Variants in ZNF287 observed in about 807,000 individuals in gnomAD.
The protein encoded by ZNF287 is zinc finger protein with KRAB and SCAN domains 13.
ZNF287 carries 31 observed loss-of-function variants against 73.7 expected under a neutral mutation model. That is an observed-to-expected ratio of 0.42 (90% confidence interval 0.32 to 0.57). ZNF287 has a LOEUF of 0.57. Among genes scored for constraint, ZNF287 ranks in the 20% least tolerant of loss-of-function variants. The probability of loss-of-function intolerance (pLI) is 0.13; values close to 1 mark genes in which losing one functional copy is unlikely to be tolerated. For missense variants in ZNF287, 641 were observed against 909.3 expected, an observed-to-expected ratio of 0.70 and a Z score of 3.79; for synonymous variants, 301 against 307.2, an observed-to-expected ratio of 0.98 and a Z score of 0.21.
chr17:16,558,779 C>T (rs776491266), intron 5 of ZNF287, among the ~76,000 whole-genome samples: 4 of 152,074 alleles, frequency 2.6e-5, no homozygotes, highest in South Asian at 2.1e-4. Flanking sequence ...GAAATTGAGA[C>T]CAGTCTGGGA....
rs1404013246 is a variant in ZNF287, at chr17:16,567,875, A to G, written c.-144T>C. ...GGCAGAACAGAATCAAGGTAGAGTT[A>G]GCAGCCTTAGTGACAAATTCTGAGC... On this transcript the variant is annotated 5_prime_UTR_variant, in exon 2 of 6. Transcript: ENST00000395825. 2 of 1,441,478 alleles carry G rather than the reference A, an allele frequency of 1.4e-6. No individual in the cohort carries two copies. Among genetic ancestry groups the G allele is most frequent in the Non-Finnish European group, 1.8e-6 (2 of 1,102,604 alleles). 89.3% of individuals were successfully genotyped at this position (1,441,478 alleles called of 1,614,324 possible).
At chr17:16,561,983 T>C (rs7217433) in intron 5 of ZNF287, among the ~76,000 whole-genome samples, 6,572 of 152,206 alleles carry the variant, frequency 0.043, 185 homozygotes, top group Non-Finnish European at 0.044. Flanking sequence ...TCTTAGGAGG[T>C]ATTTAGGGGT....
At chr17:16,557,653 A>C (rs1414327733) in intron 5 of ZNF287, among the ~76,000 whole-genome samples, 2 of 151,916 alleles carry the variant, frequency 1.3e-5, no homozygotes, top group Non-Finnish European at 2.9e-5. Flanking sequence ...TAATAGTTGA[A>C]GTTGACTGCC....
intron 5 of ZNF287, chr17:16,558,920 T>C (rs1907243142): frequency 2.0e-5 from 3 of 152,120 alleles, no homozygotes; most frequent in South Asian, 4.1e-4. Flanking sequence ...GAGGTTGCAG[T>C]GAGCCATGAT....
chr17:16,548,614 A>T lies in ZNF287; in HGVS notation c.*3242T>A, dbSNP rs1051845198. Among the ~76,000 whole-genome samples the T allele has an allele frequency of 2.2e-4, 34 of 152,114 alleles. No homozygotes were observed. Among genetic ancestry groups the T allele is most frequent in the African/African-American group, 7.2e-4 (30 of 41,508 alleles). On this transcript the variant is annotated 3_prime_UTR_variant, in exon 6 of 6. Transcript: ENST00000395825. ...ATATCGAGACAAGCCTGGCTAACACAGTGAAACCCCATCTCTACTAAAAAA... is the reference window on the plus strand; with the variant it reads ...ATATCGAGACAAGCCTGGCTAACACTGTGAAACCCCATCTCTACTAAAAAA...
chr17:16,560,953 A>G (rs1907414127), intron 5 of ZNF287, among the ~76,000 whole-genome samples: 1 of 151,572 alleles, frequency 6.6e-6, no homozygotes, highest in African/African-American at 2.4e-5. Context: ...TAGTGAGCCA[A>G]GGTCCCCCCA....
In ZNF287 at chr17:16,557,487, T is replaced by C. The variant is rs544304880; in HGVS notation, c.716-4061A>G. 2.0e-5 allele frequency among the ~76,000 whole-genome samples: 3 copies of C among 152,272 alleles called. No individual in the cohort carries two copies. In the South Asian group the frequency reaches 6.2e-4, roughly 32 times the overall value. ...AAACCAATACTACTATTCTGTTTGT[T>C]AATTACCAAAGTTTCCATTTCCTGA... On this transcript the variant is annotated intron_variant, in intron 5 of 5. Transcript: ENST00000395825.
At chr17:16,566,427 T>C (rs994379680) in intron 3 of ZNF287, 98 bp downstream of exon 3, 2 of 960,408 alleles carry the variant, frequency 2.1e-6, no homozygotes, top group African/African-American at 3.3e-5. Context: ...AAGTCCTTGA[T>C]AGAGCTTCTG....
At position 16,566,571 on chromosome 17, in the gene ZNF287, C is replaced by T; in HGVS notation, c.455G>A (p.Gly152Glu). 1.2e-6 allele frequency: 2 copies of T among 1,613,256 alleles called. No individual in the cohort carries two copies. The highest frequency in any genetic ancestry group is 1.7e-6 in the Non-Finnish European group (2 of 1,179,658). ...SQDTPEEDPR[G>E]KHAFQTGWLN... is the part of the protein sequence containing the mutation. ...CCATCCTGTCTGGAAAGCATGTTTT[C>T]CTCTGGGGTCTTCCTCTGGGGTATC... The change falls in exon 3 of 6, where the codon GGA (glycine) becomes GAA (glutamate). Residue 152 changes from glycine (G) to glutamate (E), a missense_variant. By Grantham distance (98) the Gly-to-Glu change is moderately conservative. Around this residue, in one of 2 missense-constraint regions of ZNF287, gnomAD observed 357 missense variants for 442.4 expected, o/e 0.81. Coordinates refer to ENST00000395825, the MANE Select transcript of ZNF287 (RefSeq NM_020653.4).
intron 1 of ZNF287, chr17:16,568,566 T>G (rs1907888684): frequency 6.6e-6 from 1 of 152,292 alleles, no homozygotes. Flanking sequence ...GAAGGAAACC[T>G]TAGAACCGGC....
intron 5 of ZNF287, among the ~76,000 whole-genome samples, chr17:16,561,194 A>G (rs1272564453): frequency 4.6e-5 from 7 of 151,818 alleles, no homozygotes; most frequent in Non-Finnish European, 8.8e-5. Flanking sequence ...CATGCCTCTA[A>G]TCCCAGCTAC....
intron 5 of ZNF287, among the ~76,000 whole-genome samples, chr17:16,561,683 G>A (rs554458786): frequency 2.6e-5 from 4 of 152,052 alleles, no homozygotes; most frequent in Non-Finnish European, 4.4e-5. Context: ...TAAAAAAACT[G>A]GCTTGGAACC....
Position 16,567,685 on chromosome 17 carries a change from A to T in ZNF287, c.47T>A (p.Ile16Asn). The T allele has an allele frequency of 4.3e-6, 7 of 1,613,982 alleles. No homozygotes were observed. In the South Asian group the frequency reaches 7.7e-5, roughly 18 times the overall value. ...KRMNSSSRSQ[I>N]LLRWKSDKAQ... The stretch of plus-strand genomic sequence containing the variant: ...CTTGTCTGACTTCCACCTTAGAAGG[A>T]TTTGAGAACGTGAAGAACTGTTCAT... Residue 16 changes from isoleucine (I) to asparagine (N), a missense_variant, in exon 2 of 6, where the codon ATC (isoleucine) becomes AAC (asparagine). Ile to Asn is a moderately radical substitution (Grantham distance 149, BLOSUM62 -3). This residue lies in a region of ZNF287 where 357 missense variants were observed against 442.4 expected (regional missense o/e 0.81). Transcript: ENST00000395825.
intron 5 of ZNF287, among the ~76,000 whole-genome samples, chr17:16,562,123 G>T (rs1438411116): frequency 1.3e-5 from 2 of 152,174 alleles, no homozygotes; most frequent in Non-Finnish European, 2.9e-5. Context: ...TGAATGTAAT[G>T]TGCCTGTGTA....
rs1368198042 is a variant in ZNF287 at position 16,547,077 on chromosome 17, GT to G, written c.*4778del. Among the ~76,000 whole-genome samples the G allele has an allele frequency of 6.6e-6, 1 of 152,212 alleles. No homozygotes were observed. Among genetic ancestry groups the G allele is most frequent in the Non-Finnish European group, 1.5e-5 (1 of 68,032 alleles). The stretch of plus-strand genomic sequence containing the variant: ...AGAATACATTTTCGGGCACATGCAA[GT>G]GAACTGACACCAGAAGACAAAGAAT... On this transcript the variant is annotated 3_prime_UTR_variant, in exon 6 of 6. Coordinates refer to ENST00000395825, the MANE Select transcript of ZNF287 (RefSeq NM_020653.4).
In ZNF287 at chr17:16,549,859, T is replaced by TA. The variant is rs1906531134; in HGVS notation, c.*1996dup. 6.6e-6 allele frequency among the ~76,000 whole-genome samples: 1 copy of TA among 152,248 alleles called. No individual in the cohort carries two copies. Among genetic ancestry groups the TA allele is most frequent in the Non-Finnish European group, 1.5e-5 (1 of 68,032 alleles). On this transcript the variant is annotated 3_prime_UTR_variant, in exon 6 of 6. Transcript: ENST00000395825. ...TTTTAAGCAGTTCCCAAGTAAATGT[T>TA]ATTTGTTGAACATTTCTTTGATATA...
chr17:16,563,756 G>C lies in ZNF287; in HGVS notation c.571C>G (p.Gln191Glu), dbSNP rs1907583733. The C allele has an allele frequency of 9.3e-6, 15 of 1,613,840 alleles. No homozygotes were observed. The highest frequency in any genetic ancestry group is 1.3e-5 in the Non-Finnish European group (15 of 1,179,864). Residue 191 changes from glutamine (Q) to glutamate (E), a missense_variant, in exon 4 of 6, where the codon CAG becomes GAG. By Grantham distance (29) the Gln-to-Glu change is conservative (BLOSUM62 2). Transcript: ENST00000395825. ...GTCACAGTCTTGTATAATTCCTTCTGCACAGGACGCATTAACTCCCAGTCC... is the reference window on the plus strand; with the variant it reads ...GTCACAGTCTTGTATAATTCCTTCTCCACAGGACGCATTAACTCCCAGTCC... Reference protein sequence around the residue: ...QEDWELMRPVQKELYKTVTLQ... With the variant: ...QEDWELMRPVEKELYKTVTLQ...
At chr17:16,565,619 T>C (rs562653857) in intron 3 of ZNF287, among the ~76,000 whole-genome samples, 10 of 152,264 alleles carry the variant, frequency 6.6e-5, no homozygotes, top group South Asian at 2.1e-4. Flanking sequence ...AGCTTTCCAA[T>C]TTCAGAAAAA....
rs1455385012 is a variant in ZNF287, at chr17:16,549,729, A to G, written c.*2127T>C. On this transcript the variant is annotated 3_prime_UTR_variant, in exon 6 of 6. Coordinates refer to ENST00000395825, the MANE Select transcript of ZNF287 (RefSeq NM_020653.4). Reference sequence around the variant, plus strand: ...CCAAAGGAAGTTGCATGGTTAATACATGCTTAAATTGATATTTATAGCACC... The same window carrying G: ...CCAAAGGAAGTTGCATGGTTAATACGTGCTTAAATTGATATTTATAGCACC... 6.6e-6 allele frequency among the ~76,000 whole-genome samples: 1 copy of G among 152,210 alleles called. No homozygotes were observed. The highest frequency in any genetic ancestry group is 2.4e-5 in the African/African-American group (1 of 41,466).
Sources: allele counts gnomAD v4.1 joint callset (sites outside exome capture counted in the v4.1 genomes callset), GRCh38; gene constraint gnomAD v4.1.1; regional missense constraint gnomAD v4.1.1; transcripts MANE v1.5; gene names NCBI Gene and HGNC (gene_info 2026-07-23, HGNC 2026-07-21).